The following CFAP210 variants were observed in gnomAD, a reference collection of about 807,000 sequenced individuals.
The protein encoded by CFAP210 is cilia- and flagella- associated protein 210.
At chr2:169,683,602 A>G in the CFAP210 span, among the ~76,000 whole-genome samples, 1 of 151,940 alleles carries the variant, frequency 6.6e-6, no homozygotes, top group African/African-American at 2.4e-5. Context: ...AAAGAGGGTC[A>G]GTATAGCACA....
chr2:169,679,030 A>T, the CFAP210 span, among the ~76,000 whole-genome samples: 2 of 152,134 alleles, frequency 1.3e-5, no homozygotes, highest in African/African-American at 4.8e-5. Flanking sequence ...ATGTCGCCTG[A>T]ATATATATAC....
chr2:169,656,505 G>C, the CFAP210 span, among the ~76,000 whole-genome samples: 1 of 87,264 alleles, frequency 1.1e-5, no homozygotes, highest in African/African-American at 4.4e-5. Context: ...TGCGGGAGGA[G>C]GAGGAGGAGG....
At chr2:169,645,660 TAAAA>T in the CFAP210 span, 24 of 559,406 alleles carry the variant, frequency 4.3e-5, no homozygotes, top group African/African-American at 2.3e-4. Flanking sequence ...TTACCACAGT[TAAAA>T]AAAGGAATCT....
At chr2:169,674,753 C>T in the CFAP210 span, 7 of 1,577,260 alleles carry the variant, frequency 4.4e-6, no homozygotes, top group African/African-American at 1.4e-5. Flanking sequence ...CATAACTCTA[C>T]TAAGAAGAAG....
chr2:169,690,021 G>A, the CFAP210 span, among the ~76,000 whole-genome samples: 1 of 151,876 alleles, frequency 6.6e-6, no homozygotes, highest in Admixed American at 6.6e-5. Context: ...TTTTTGAGAT[G>A]GGGTCTTACT....
At chr2:169,682,164 C>T in the CFAP210 span, among the ~76,000 whole-genome samples, 74 of 152,238 alleles carry the variant, frequency 4.9e-4, no homozygotes, top group Admixed American at 8.5e-4. Context: ...AACGGTCCTA[C>T]CCTTTTAATC....
At chr2:169,652,056 A>T in the CFAP210 span, among the ~76,000 whole-genome samples, 2 of 152,168 alleles carry the variant, frequency 1.3e-5, no homozygotes, top group Non-Finnish European at 2.9e-5. Flanking sequence ...GGTACATCAT[A>T]AGAATACATC....
At chr2:169,649,046 A>G in the CFAP210 span, 3 of 652,220 alleles carry the variant, frequency 4.6e-6, no homozygotes, top group South Asian at 2.8e-5. Context: ...CACATTTTTA[A>G]TACATTTTAT....
the CFAP210 span, chr2:169,649,457 T>G: frequency 1.0e-6 from 1 of 960,792 alleles, no homozygotes; most frequent in East Asian, 2.4e-5. Flanking sequence ...CCAGGAGCAA[T>G]GCAGGAGCAG....
the CFAP210 span, chr2:169,661,062 C>T: frequency 4.5e-5 from 24 of 528,896 alleles, no homozygotes; most frequent in African/African-American, 4.5e-4. Flanking sequence ...GCACTAGATG[C>T]TGGGTGGGAG....
chr2:169,680,353 A>C, the CFAP210 span, among the ~76,000 whole-genome samples: 77 of 152,248 alleles, frequency 5.1e-4, no homozygotes, highest in African/African-American at 1.7e-3. Flanking sequence ...GAAGTTTCTT[A>C]CAAAGTTAAA....
At chr2:169,655,971 T>C in the CFAP210 span, among the ~76,000 whole-genome samples, 3 of 152,234 alleles carry the variant, frequency 2.0e-5, no homozygotes, top group South Asian at 6.2e-4. Flanking sequence ...GGTAGAAATA[T>C]GCTCAGCTGA....
chr2:169,662,199 G>A, the CFAP210 span: 1 of 1,422,736 alleles, frequency 7.0e-7, no homozygotes, highest in Non-Finnish European at 9.7e-7. Context: ...CCATAAACAT[G>A]TACAAATATA....
At chr2:169,682,301 T>C in the CFAP210 span, among the ~76,000 whole-genome samples, 1 of 152,308 alleles carries the variant, frequency 6.6e-6, no homozygotes, top group East Asian at 1.9e-4. Context: ...TTATAAGCTA[T>C]ATATGCAAGA....
At chr2:169,689,466 T>G in the CFAP210 span, among the ~76,000 whole-genome samples, 1 of 152,236 alleles carries the variant, frequency 6.6e-6, no homozygotes, top group African/African-American at 2.4e-5. Context: ...TGTAAACTGA[T>G]CATCTTTCAA....
At chr2:169,689,775 T>C in the CFAP210 span, among the ~76,000 whole-genome samples, 6 of 152,212 alleles carry the variant, frequency 3.9e-5, no homozygotes, top group Non-Finnish European at 8.8e-5. Context: ...AAAATTCCCT[T>C]CTATTCCCAG....
chr2:169,650,507 C>G, the CFAP210 span: 14 of 1,571,690 alleles, frequency 8.9e-6, no homozygotes, highest in Non-Finnish European at 1.2e-5. Context: ...TCTTTCTCTT[C>G]GTTTCTCCAT....
chr2:169,654,202 C>T, the CFAP210 span: 1 of 1,582,470 alleles, frequency 6.3e-7, no homozygotes, highest in South Asian at 1.2e-5. Flanking sequence ...ATATGTTTAT[C>T]CTGCATATGT....
the CFAP210 span, among the ~76,000 whole-genome samples, chr2:169,654,992 A>G: frequency 1.3e-5 from 2 of 152,192 alleles, no homozygotes; most frequent in Non-Finnish European, 2.9e-5. Flanking sequence ...ACAGATATGT[A>G]TTCTAACAAA....
Sources: allele counts gnomAD v4.1 joint callset (sites outside exome capture counted in the v4.1 genomes callset), GRCh38; gene constraint gnomAD v4.1.1; transcripts MANE v1.5; gene names NCBI Gene and HGNC (gene_info 2026-07-23, HGNC 2026-07-21).